The following MAN1A2 variants were observed in gnomAD, a reference collection of about 807,000 sequenced individuals.
The protein encoded by MAN1A2 is mannosidase alpha class 1A member 2, also known as mannosyl-oligosaccharide 1,2-alpha-mannosidase IB.
Under a neutral mutation model 75.7 loss-of-function variants are expected in MAN1A2, and 26 were observed. The ratio of observed to expected loss-of-function variants is 0.34; its 90% CI spans 0.25 to 0.48. The LOEUF (loss-of-function observed/expected upper bound fraction) is 0.48, where lower values mean the gene tolerates loss of function less well. MAN1A2 is among the 20% of genes least tolerant of loss of function. The probability of loss-of-function intolerance (pLI) is 0.99; values close to 1 mark genes in which losing one functional copy is unlikely to be tolerated. For synonymous variants in MAN1A2, 247 were observed against 264.6 expected, an observed-to-expected ratio of 0.93 and a Z score of 0.65; for missense variants, 562 against 775.5, an observed-to-expected ratio of 0.72 and a Z score of 3.27.
chr1:117,408,787 GA>G (rs1647706590), intron 3 of MAN1A2, among the ~76,000 whole-genome samples: 1 of 149,266 alleles, frequency 6.7e-6, no homozygotes, highest in Non-Finnish European at 1.5e-5. Context: ...TTTTTTTCTT[GA>G]AGGTTTTTAA....
At chr1:117,458,499 A>ATATC (rs1349347117) in intron 6 of MAN1A2, among the ~76,000 whole-genome samples, 1 of 85,892 alleles carries the variant, frequency 1.2e-5, no homozygotes, top group African/African-American at 5.2e-5. Context: ...ATATATATCT[A>ATATC]TATATATATA....
chr1:117,458,523 ATTT>A lies in MAN1A2; in HGVS notation c.951-1951_951-1949del, dbSNP rs5777311. ...TATATATATATATAGATATATATAT[ATTT>A]TTTTTTTTTTTTTTGAGACAGAGTT... On this transcript the variant is annotated intron_variant, in intron 6 of 12. Transcript: ENST00000356554. Among the ~76,000 whole-genome samples, 328 of 105,616 alleles carry A rather than the reference ATTT, an allele frequency of 3.1e-3. 4 individuals are homozygous for A. The highest frequency in any genetic ancestry group is 0.011 in the African/African-American group (309 of 29,018). The allele number at this position is 105,616 out of a possible 152,430, so 69.3% of individuals were successfully genotyped here. A position where few individuals can be genotyped will look rare whatever the true frequency, so the allele number is the denominator to read the frequency against.
chr1:117,476,322 A>G (rs1480722896), intron 8 of MAN1A2, among the ~76,000 whole-genome samples: 2 of 151,994 alleles, frequency 1.3e-5, no homozygotes, highest in African/African-American at 4.8e-5. Flanking sequence ...GTTCACTCTG[A>G]TGATAGTTTC....
At chr1:117,504,381 C>T (rs374393307) in intron 12 of MAN1A2, among the ~76,000 whole-genome samples, 1 of 150,162 alleles carries the variant, frequency 6.7e-6, no homozygotes, top group South Asian at 2.1e-4. Context: ...TGTCTTTTCA[C>T]CTAGTTTTGC....
At chr1:117,515,336 T>A (rs937592444) in intron 12 of MAN1A2, 1 of 152,374 alleles carries the variant, frequency 6.6e-6, no homozygotes, top group Non-Finnish European at 1.5e-5. Flanking sequence ...GATTTGAGCA[T>A]TCAAGGATTT....
intron 6 of MAN1A2, among the ~76,000 whole-genome samples, chr1:117,449,012 T>C (rs1308035559): frequency 2.0e-5 from 3 of 152,200 alleles, no homozygotes; most frequent in African/African-American, 7.2e-5. Flanking sequence ...ACATCTGTTA[T>C]AGTAATATGT....
intron 8 of MAN1A2, among the ~76,000 whole-genome samples, chr1:117,486,569 G>T (rs1223044876): frequency 6.6e-6 from 1 of 151,904 alleles, no homozygotes; most frequent in African/African-American, 2.4e-5. Context: ...TGAAAAGGAA[G>T]CAATTAGAGA....
At chr1:117,390,922 T>C (rs1290940902) in intron 1 of MAN1A2, among the ~76,000 whole-genome samples, 2 of 152,160 alleles carry the variant, frequency 1.3e-5, no homozygotes, top group African/African-American at 4.8e-5. Context: ...TGAGGTATTA[T>C]TCACATACCA....
chr1:117,383,769 T>C (rs979252200), intron 1 of MAN1A2, among the ~76,000 whole-genome samples: 2 of 151,816 alleles, frequency 1.3e-5, no homozygotes, highest in East Asian at 1.9e-4. Flanking sequence ...TTTTTAAGCG[T>C]TGGGGGTCTG....
chr1:117,477,094 C>G (rs549033705), intron 8 of MAN1A2, among the ~76,000 whole-genome samples: 23 of 151,872 alleles, frequency 1.5e-4, no homozygotes, highest in Admixed American at 1.1e-3. Context: ...AGGAAGAAGT[C>G]GAATCCCTGA....
chr1:117,460,187 A>G (rs910787407), intron 6 of MAN1A2, among the ~76,000 whole-genome samples: 5 of 152,204 alleles, frequency 3.3e-5, no homozygotes, highest in Non-Finnish European at 7.3e-5. Flanking sequence ...CTACATTTGC[A>G]TAAAACATTC....
intron 12 of MAN1A2, chr1:117,514,972 T>A: frequency 2.0e-6 from 1 of 500,796 alleles, no homozygotes; most frequent in African/African-American, 2.0e-5. Context: ...CAATATGTAC[T>A]TATAAGTACC....
intron 8 of MAN1A2, among the ~76,000 whole-genome samples, chr1:117,469,135 T>C (rs1650063378): frequency 6.6e-6 from 1 of 152,048 alleles, no homozygotes; most frequent in African/African-American, 2.4e-5. Flanking sequence ...ATTGTGCCAC[T>C]GCACTCCAGC....
At chr1:117,484,475 C>T (rs996502191) in intron 8 of MAN1A2, among the ~76,000 whole-genome samples, 1 of 151,928 alleles carries the variant, frequency 6.6e-6, no homozygotes, top group Non-Finnish European at 1.5e-5. Context: ...TGAAGGTTTA[C>T]ACTACTGTGC....
intron 8 of MAN1A2, among the ~76,000 whole-genome samples, chr1:117,484,074 A>G (rs1354929105): frequency 6.6e-6 from 1 of 151,844 alleles, no homozygotes. Context: ...AACTTCACAT[A>G]TAACTTTTGA....
At chr1:117,479,194 A>G (rs902842535) in intron 8 of MAN1A2, among the ~76,000 whole-genome samples, 6 of 151,498 alleles carry the variant, frequency 4.0e-5, no homozygotes, top group African/African-American at 1.2e-4. Flanking sequence ...CTGTTCCTGT[A>G]TAGTTTGGTT....
At chr1:117,394,741 C>T (rs61808995) in intron 1 of MAN1A2, among the ~76,000 whole-genome samples, 17,095 of 152,092 alleles carry the variant, frequency 0.11, 1,058 homozygotes, top group Non-Finnish European at 0.14. Context: ...CAATTTTTAA[C>T]AGTGGTGGAT....
intron 7 of MAN1A2, among the ~76,000 whole-genome samples, chr1:117,465,629 C>T (rs1029516929): frequency 6.6e-6 from 1 of 152,114 alleles, no homozygotes; most frequent in African/African-American, 2.4e-5. Context: ...ACAATATTCT[C>T]AAACAAATAA....
chr1:117,521,191 G>A (rs1297805579), intron 12 of MAN1A2, among the ~76,000 whole-genome samples: 1 of 151,950 alleles, frequency 6.6e-6, no homozygotes, highest in African/African-American at 2.4e-5. Context: ...TTTCAGACCT[G>A]AAACTATAAA....
Sources: gnomAD v4.1 joint callset for allele counts (sites outside exome capture counted in the v4.1 genomes callset) on GRCh38, gnomAD v4.1.1 for gene constraint, MANE v1.5 for transcripts, NCBI Gene and HGNC (gene_info 2026-07-23, HGNC 2026-07-21) for gene names.